MAP3K13: variants seen among roughly 807,000 people sequenced by gnomAD.
The protein encoded by MAP3K13 is leucine zipper-bearing kinase.
In MAP3K13, 52 loss-of-function variants were observed where a neutral mutation model predicts 104.0. The observed-to-expected ratio is 0.50, with a 90% CI of 0.40 to 0.63. MAP3K13 has a LOEUF of 0.63. Among genes scored for constraint, MAP3K13 ranks in the 20% least tolerant of loss-of-function variants. MAP3K13 has a pLI of 0.00. For synonymous variants in MAP3K13, 394 were observed against 442.2 expected (o/e 0.89, Z 1.37); for missense variants, 914 against 1,218.5 (o/e 0.75, Z 3.72).
chr3:185,410,596 A>G (rs1460167633), intron 1 of MAP3K13, among the ~76,000 whole-genome samples: 10 of 152,186 alleles, frequency 6.6e-5, no homozygotes, highest in African/African-American at 2.4e-4. Context: ...AAACATCACT[A>G]TGTATCCCAT....
At position 185,482,199 on chromosome 3, in the gene MAP3K13, GTTTT is replaced by G. The variant is rs1718502641; in HGVS notation, c.2800-155_2800-152del. ...GTCGTAGCAATCATAATCATCATGT[GTTTT>G]CTTTCTCCATAAGTCCCACAAGGAC... On this transcript the variant is annotated intron_variant, in intron 13 of 13. Coordinates refer to ENST00000265026, the MANE Select transcript of MAP3K13 (RefSeq NM_004721.5). The surrounding 1 kb of genome is among the most constrained non-coding windows in gnomAD (Gnocchi z 4.5). 1.3e-5 allele frequency among the ~76,000 whole-genome samples: 2 copies of G among 152,232 alleles called. No homozygotes were observed. Among genetic ancestry groups the G allele is most frequent in the Non-Finnish European group, 2.9e-5 (2 of 68,042 alleles).
At chr3:185,419,669 T>G (rs1233646947) in intron 1 of MAP3K13, among the ~76,000 whole-genome samples, 5 of 152,140 alleles carry the variant, frequency 3.3e-5, no homozygotes, top group Non-Finnish European at 7.4e-5. Context: ...TTTAAAACAT[T>G]TAAAGTTACT....
At chr3:185,455,786 G>T (rs796272388) in intron 7 of MAP3K13, among the ~76,000 whole-genome samples, 4 of 49,856 alleles carry the variant, frequency 8.0e-5, no homozygotes, top group African/African-American at 1.3e-4. Context: ...ATATATATGA[G>T]ATATATATAT....
rs112837513 is a variant in MAP3K13, at chr3:185,343,733, A to G, written c.-86+58090A>G. ...CCCAAAGTGCTGGGATTACAGGTGT[A>G]AGCCACTGCGCCTGGCTGGATATTT... On this transcript the variant is annotated intron_variant, in intron 2 of 14. Coordinates refer to the MAP3K13 transcript ENST00000424227. Among the ~76,000 whole-genome samples the G allele has an allele frequency of 4.4e-3, 674 of 152,228 alleles. 19 individuals are homozygous for G. Among genetic ancestry groups the G allele is most frequent in the Admixed American group, 0.039 (596 of 15,292 alleles).
At chr3:185,305,809 G>A (rs1001954359) in intron 2 of MAP3K13, among the ~76,000 whole-genome samples, 7 of 152,030 alleles carry the variant, frequency 4.6e-5, no homozygotes, top group Admixed American at 6.6e-5. Context: ...GGATATATGT[G>A]CAGGTTTGTT....
intron 2 of MAP3K13, among the ~76,000 whole-genome samples, chr3:185,356,863 CATGT>C (rs72268579): frequency 0.3 from 44,299 of 149,444 alleles, 6,565 homozygotes; most frequent in South Asian, 0.43. Flanking sequence ...AGGCAGACTT[CATGT>C]ATGTATGTAT....
chr3:185,319,908 G>A (rs1721798567), intron 2 of MAP3K13, among the ~76,000 whole-genome samples: 2 of 152,128 alleles, frequency 1.3e-5, no homozygotes, highest in African/African-American at 4.8e-5. Flanking sequence ...AACATGCCCC[G>A]TAGTTGTTAT....
intron 2 of MAP3K13, among the ~76,000 whole-genome samples, chr3:185,340,658 C>T (rs191304906): frequency 6.6e-6 from 1 of 152,258 alleles, no homozygotes; most frequent in East Asian, 1.9e-4. Flanking sequence ...CCATAATCCT[C>T]ACGTGTCAAG....
At chr3:185,386,089 T>A (rs1711669425) in intron 1 of MAP3K13, among the ~76,000 whole-genome samples, 1 of 151,532 alleles carries the variant, frequency 6.6e-6, no homozygotes, top group African/African-American at 2.4e-5. Flanking sequence ...ATAAATGTGA[T>A]ACCAGCAAAA....
chr3:185,395,189 T>C (rs1712307207), intron 1 of MAP3K13, among the ~76,000 whole-genome samples: 2 of 151,952 alleles, frequency 1.3e-5, no homozygotes, highest in African/African-American at 2.4e-5. Flanking sequence ...TGCTTTTCTC[T>C]CTTTCTTCCC....
At position 185,357,459 on chromosome 3, in the gene MAP3K13, A is replaced by G. The variant is rs1024605376; in HGVS notation, c.-85-71038A>G. 3.2e-3 allele frequency among the ~76,000 whole-genome samples: 482 copies of G among 151,298 alleles called. 4 individuals are homozygous for G. Among genetic ancestry groups the G allele is most frequent in the African/African-American group, 0.011 (463 of 41,418 alleles). On this transcript the variant is annotated intron_variant, in intron 2 of 14. Coordinates refer to the MAP3K13 transcript ENST00000424227. ...GTGAAACTCCATCTAAAAAAAAAAA[A>G]AAAAAAAAGAAAAAAAGAAAAAGAA...
intron 1 of MAP3K13, among the ~76,000 whole-genome samples, chr3:185,391,713 C>T (rs1226487152): frequency 1.3e-5 from 2 of 151,888 alleles, no homozygotes; most frequent in Non-Finnish European, 2.9e-5. Flanking sequence ...TAATTCTGAC[C>T]TTCTTTTCCT....
Position 185,428,549 on chromosome 3 carries a change from T to C in MAP3K13, c.-33T>C. 6.6e-7 allele frequency: 1 copy of C among 1,524,638 alleles called. No homozygotes were observed. The highest frequency in any genetic ancestry group is 8.8e-7 in the Non-Finnish European group (1 of 1,137,410). 94.4% of individuals were successfully genotyped at this position (1,524,638 alleles called of 1,614,324 possible). A position where few individuals can be genotyped will look rare whatever the true frequency, so the allele number is the denominator to read the frequency against. ...CTCTGTCCCAAAAATCTTCTGAGTGTCATCTCAGGACTTTGGTTATACTCA... is the reference window on the plus strand; with the variant it reads ...CTCTGTCCCAAAAATCTTCTGAGTGCCATCTCAGGACTTTGGTTATACTCA... On this transcript the variant is annotated 5_prime_UTR_variant, in exon 2 of 14. Transcript: ENST00000265026.
intron 2 of MAP3K13, among the ~76,000 whole-genome samples, chr3:185,340,336 A>G (rs1309296379): frequency 6.6e-6 from 1 of 152,180 alleles, no homozygotes; most frequent in Non-Finnish European, 1.5e-5. Context: ...AGGGCACTGT[A>G]GGGAGAAGAA....
intron 2 of MAP3K13, among the ~76,000 whole-genome samples, chr3:185,308,041 C>CTTTTTT (rs1455146477): frequency 5.9e-5 from 6 of 101,042 alleles, no homozygotes; most frequent in Non-Finnish European, 9.3e-5. Flanking sequence ...TTGAGACTTA[C>CTTTTTT]TTTGTTCCCT....
intron 7 of MAP3K13, among the ~76,000 whole-genome samples, chr3:185,463,037 T>C (rs1376492063): frequency 6.6e-6 from 1 of 152,160 alleles, no homozygotes; most frequent in Non-Finnish European, 1.5e-5. Flanking sequence ...CTTCTTATAT[T>C]TCTATTCTAA....
At position 185,315,740 on chromosome 3, in the gene MAP3K13, A is replaced by G. The variant is rs1721649316; in HGVS notation, c.-86+30097A>G. ...GGGACCTAATCTGTAAAATGAGGAT[A>G]ACAGTGTATCTTTTAACTAGAAATA... On this transcript the variant is annotated intron_variant, in intron 2 of 14. Coordinates refer to the MAP3K13 transcript ENST00000424227. This position sits in a 1 kb window ranked among gnomAD's most constrained non-coding sequence, Gnocchi z 4.3. 6.6e-6 allele frequency among the ~76,000 whole-genome samples: 1 copy of G among 152,218 alleles called. No individual in the cohort carries two copies. The highest frequency in any genetic ancestry group is 2.1e-4 in the South Asian group (1 of 4,832).
rs190086119 is a variant in MAP3K13, at chr3:185,480,617, A to G, written c.2799+88A>G. 158 of 1,349,784 alleles carry G rather than the reference A, an allele frequency of 1.2e-4. No homozygotes were observed. In the African/African-American group the frequency reaches 2.0e-3, roughly 17 times the overall value. 83.6% of individuals were successfully genotyped at this position (1,349,784 alleles called of 1,614,324 possible). On this transcript the variant is annotated intron_variant, in intron 13 of 13. Transcript: ENST00000265026. ...TCTAGGGCCTTTACAATTTTCATTT[A>G]ATAATAAGATACAACAGTGGCCTTG...
At chr3:185,432,818 C>G (rs1714823417) in intron 2 of MAP3K13, among the ~76,000 whole-genome samples, 1 of 152,188 alleles carries the variant, frequency 6.6e-6, no homozygotes, top group Admixed American at 6.5e-5. Context: ...TAAGAAACAG[C>G]CCTGGTCAGC....
Sources: gnomAD v4.1 joint callset for allele counts (sites outside exome capture counted in the v4.1 genomes callset) on GRCh38, gnomAD v4.1.1 for gene constraint, Gnocchi (gnomAD v3.1) non-coding constraint, MANE v1.5 for transcripts, NCBI Gene and HGNC (gene_info 2026-07-23, HGNC 2026-07-21) for gene names.